Variants in LMNTD1 observed in about 807,000 individuals in gnomAD.
The protein encoded by LMNTD1 is lamin tail domain containing 1.
Under a neutral mutation model 50.9 loss-of-function variants are expected in LMNTD1, and 35 were observed. That is an observed-to-expected ratio of 0.69 (90% CI 0.53 to 0.91). The LOEUF is 0.91. Among genes scored for constraint, LMNTD1 ranks in the 40% least tolerant of loss-of-function variants. The pLI, the probability that LMNTD1 is intolerant of heterozygous loss-of-function variation, is 0.00. For synonymous variants in LMNTD1, 153 were observed against 161.9 expected, an observed-to-expected ratio of 0.94 and a Z score of 0.42; for missense variants, 470 against 475.5, an observed-to-expected ratio of 0.99 and a Z score of 0.11.
intron 9 of LMNTD1, among the ~76,000 whole-genome samples, chr12:25,478,407 G>A (rs140138096): frequency 6.6e-6 from 1 of 152,306 alleles, no homozygotes; most frequent in East Asian, 1.9e-4. Context: ...GTGATGTGCT[G>A]ATGTGAAGTC....
Position 25,534,994 on chromosome 12 carries a change from A to G in LMNTD1, c.492-8039T>C, listed in dbSNP as rs565948231. On this transcript the variant is annotated intron_variant, in intron 4 of 9. Coordinates refer to ENST00000458174, the MANE Select transcript of LMNTD1 (RefSeq NM_001145728.2). ...CAAGGCAAAATCCACAATTTCTGAC[A>G]TACAATAAAAAATTACCAGGCATGC... Among the ~76,000 whole-genome samples, 26 of 152,352 alleles carry G rather than the reference A, an allele frequency of 1.7e-4. No individual in the cohort carries two copies. In the South Asian group the frequency reaches 5.4e-3, roughly 32 times the overall value.
intron 1 of LMNTD1, among the ~76,000 whole-genome samples, chr12:25,584,200 T>A (rs1296627734): frequency 2.0e-5 from 3 of 152,308 alleles, no homozygotes; most frequent in Non-Finnish European, 2.9e-5. Context: ...TTTATATATA[T>A]CAATAATATA....
chr12:25,547,551 T>A (rs1227903484), intron 3 of LMNTD1, among the ~76,000 whole-genome samples: 3 of 151,724 alleles, frequency 2.0e-5, no homozygotes, highest in African/African-American at 4.8e-5. Context: ...AAATCTTACA[T>A]CTTTAGCAAA....
At chr12:25,521,681 A>T (rs77579309) in intron 6 of LMNTD1, among the ~76,000 whole-genome samples, 3,073 of 152,282 alleles carry the variant, frequency 0.02, 80 homozygotes, top group African/African-American at 0.058. Flanking sequence ...TAAAGAACCG[A>T]GCAAAAAGTA....
intron 4 of LMNTD1, among the ~76,000 whole-genome samples, chr12:25,535,719 T>C (rs1942533335): frequency 1.3e-5 from 2 of 152,220 alleles, no homozygotes; most frequent in Middle Eastern, 3.4e-3. Context: ...AGACTAAACC[T>C]AATCATATTA....
rs79290388 is a variant in LMNTD1 at position 25,593,515 on chromosome 12, T to C, written c.59-46961A>G. 3.8e-3 allele frequency among the ~76,000 whole-genome samples: 572 copies of C among 148,892 alleles called. 13 individuals carry two copies. Among genetic ancestry groups the C allele is most frequent in the African/African-American group, 0.014 (555 of 40,424 alleles). On this transcript the variant is annotated intron_variant, in intron 1 of 7. Coordinates refer to the LMNTD1 transcript ENST00000445693. The stretch of plus-strand genomic sequence containing the variant: ...CCATATCCCTAAGAAAAGGGGAGAG[T>C]ACTATATTAAGGGACCATCCCATGG...
At chr12:25,618,129 G>T (rs7138337) in intron 1 of LMNTD1, among the ~76,000 whole-genome samples, 18 of 152,180 alleles carry the variant, frequency 1.2e-4, no homozygotes, top group Non-Finnish European at 2.1e-4. Context: ...AACTGCTTTT[G>T]TAACTTCCTG....
upstream of LMNTD1, among the ~76,000 whole-genome samples, chr12:25,555,843 C>T (rs1944017421): frequency 6.6e-6 from 1 of 152,042 alleles, no homozygotes; most frequent in Non-Finnish European, 1.5e-5. Context: ...AAATAGAAGC[C>T]TCAGTTTGGG....
At chr12:25,513,671 C>T (rs1251460562) in intron 8 of LMNTD1, among the ~76,000 whole-genome samples, 1 of 152,076 alleles carries the variant, frequency 6.6e-6, no homozygotes, top group African/African-American at 2.4e-5. Context: ...CAAACAAACC[C>T]ATGAGACTAC....
At chr12:25,584,905 T>C (rs1319521380) in intron 1 of LMNTD1, among the ~76,000 whole-genome samples, 1 of 152,218 alleles carries the variant, frequency 6.6e-6, no homozygotes, top group Non-Finnish European at 1.5e-5. Flanking sequence ...AGTTCTAAAA[T>C]ATTTTATTTA....
chr12:25,555,910 G>A (rs866785101), upstream of LMNTD1, among the ~76,000 whole-genome samples: 10 of 151,378 alleles, frequency 6.6e-5, no homozygotes, highest in Non-Finnish European at 4.4e-5. Context: ...GCTCAGGAAG[G>A]AGAGGGTCAG....
At chr12:25,542,771 GA>G (rs2136203750) in intron 4 of LMNTD1, among the ~76,000 whole-genome samples, 1 of 145,846 alleles carries the variant, frequency 6.9e-6, no homozygotes, top group Admixed American at 6.8e-5. Flanking sequence ...GCCCAAAGTA[GA>G]CAGAAGAAAG....
rs78777692 is a variant in LMNTD1, at chr12:25,519,651, G to A, written c.1016+207C>T. 0.03 allele frequency among the ~76,000 whole-genome samples: 4,450 copies of A among 147,054 alleles called. 208 individuals carry two copies. The highest frequency in any genetic ancestry group is 0.19 in the East Asian group (905 of 4,778). ...GTCTCAATACTACCTAGTGAAGATC[G>A]CCAGCCTTCATTGCCCTATGAGTAT... On this transcript the variant is annotated intron_variant, in intron 7 of 9. Transcript: ENST00000458174.
chr12:25,637,246 A>C (rs759013848), intron 1 of LMNTD1, among the ~76,000 whole-genome samples: 4 of 152,308 alleles, frequency 2.6e-5, no homozygotes, highest in Non-Finnish European at 4.4e-5. Context: ...GTGGGGAAAG[A>C]AAGCAAGCAA....
intron 1 of LMNTD1, among the ~76,000 whole-genome samples, chr12:25,625,370 TAATA>T (rs754733754): frequency 1.4e-4 from 22 of 151,982 alleles, no homozygotes; most frequent in Non-Finnish European, 3.2e-4. Flanking sequence ...CCCTCTTGAG[TAATA>T]ATAAAGAACA....
chr12:25,617,200 A>G (rs923533658), intron 1 of LMNTD1, among the ~76,000 whole-genome samples: 2 of 152,180 alleles, frequency 1.3e-5, no homozygotes, highest in African/African-American at 2.4e-5. Context: ...ATAGTATTTA[A>G]TGTTAATGTT....
At chr12:25,480,113 A>G (rs1458356132) in intron 9 of LMNTD1, among the ~76,000 whole-genome samples, 1 of 152,232 alleles carries the variant, frequency 6.6e-6, no homozygotes, top group Non-Finnish European at 1.5e-5. Flanking sequence ...AATGGTGAGC[A>G]CTCACGTACA....
chr12:25,596,014 T>C (rs1945837122), intron 1 of LMNTD1, among the ~76,000 whole-genome samples: 1 of 151,984 alleles, frequency 6.6e-6, no homozygotes, highest in Non-Finnish European at 1.5e-5. Context: ...TTCCTGGACA[T>C]ATAAAACCCT....
At chr12:25,545,394 T>C (rs1015008584) in intron 4 of LMNTD1, among the ~76,000 whole-genome samples, 3 of 151,664 alleles carry the variant, frequency 2.0e-5, no homozygotes, top group Non-Finnish European at 3.0e-5. Context: ...TTAATTATTA[T>C]ACGAGTGTTT....
Sources: allele counts gnomAD v4.1 joint callset (sites outside exome capture counted in the v4.1 genomes callset), GRCh38; gene constraint gnomAD v4.1.1; transcripts MANE v1.5; gene names NCBI Gene and HGNC (gene_info 2026-07-23, HGNC 2026-07-21).